RBPJL: variants seen among roughly 807,000 people sequenced by gnomAD.
RBPJL encodes the protein recombination signal binding protein for immunoglobulin kappa J region like.
Under a neutral mutation model 57.6 loss-of-function variants are expected in RBPJL, and 50 were observed. The observed-to-expected ratio is 0.87, with a 90% CI of 0.69 to 1.10. The LOEUF (loss-of-function observed/expected upper bound fraction) is 1.10. Ranked by LOEUF, RBPJL falls within the 50% of genes least tolerant of loss-of-function variation. The probability of loss-of-function intolerance (pLI) is 0.00; values close to 1 mark genes in which losing one functional copy is unlikely to be tolerated. For missense variants in RBPJL, 684 were observed against 693.7 expected (o/e 0.99, Z 0.16); for synonymous variants, 303 against 294.4 (o/e 1.03, Z -0.30).
rs868671102 is a variant in RBPJL at position 45,316,877 on chromosome 20, C to T, written c.1472C>T (p.Pro491Leu). ...CCGGGTCACCCCGGCGTCCCCGAGC[C>T]CGCCACCGACGCCGACGCGCTCCTG... ...VRPGHPGVPE[P>L]ATDADALLES... The change falls in exon 12 of 12, where the codon CCC (proline) becomes CTC (leucine). Residue 491 changes from proline (P) to leucine (L), a missense_variant. Pro to Leu is a moderately conservative substitution (Grantham distance 98). Coordinates refer to ENST00000343694, the MANE Select transcript of RBPJL (RefSeq NM_014276.4). 2 of 1,613,576 alleles carry T rather than the reference C, an allele frequency of 1.2e-6. No homozygotes were observed. The highest frequency in any genetic ancestry group is 1.3e-5 in the African/African-American group (1 of 75,036).
intron 8 of RBPJL, 111 bp downstream of exon 8, chr20:45,314,255 C>A: frequency 8.1e-7 from 1 of 1,231,188 alleles, no homozygotes; most frequent in Non-Finnish European, 1.2e-6. Context: ...GACACCTGTT[C>A]TCACCCAGTG....
intron 9 of RBPJL, chr20:45,315,920 A>C (rs946905169): frequency 1.3e-5 from 5 of 377,034 alleles, no homozygotes; most frequent in African/African-American, 1.0e-4. Context: ...AGAGAAAGGG[A>C]AAGAAAAAGA....
intron 5 of RBPJL, 130 bp downstream of exon 5, chr20:45,312,084 A>G (rs898047444): frequency 2.1e-5 from 31 of 1,484,944 alleles, no homozygotes; most frequent in African/African-American, 1.8e-4. Flanking sequence ...GTCCTGCCTT[A>G]AGGCCGAGCC....
rs546785536 is a variant in RBPJL, at chr20:45,313,988, C to T, written c.758-47C>T. On this transcript the variant is annotated intron_variant, in intron 7 of 11. Transcript: ENST00000343694. ...AACAAGGCAGGGTTTAAGGCAGAAG[C>T]TTGGGGGCCGCTGAAAACCTTGTCC... 8 of 1,384,622 alleles carry T rather than the reference C, an allele frequency of 5.8e-6. No individual in the cohort carries two copies. In the East Asian group the frequency reaches 1.8e-4, roughly 32 times the overall value. The allele number at this position is 1,384,622 out of a possible 1,614,324, so 85.8% of individuals were successfully genotyped here.
intron 8 of RBPJL, 80 bp downstream of exon 8, chr20:45,314,224 A>G (rs1987342713): frequency 1.5e-6 from 2 of 1,370,544 alleles, no homozygotes; most frequent in Non-Finnish European, 2.1e-6. Context: ...AGGGCTGGAG[A>G]GTGAGGCCCC....
In RBPJL at chr20:45,316,670, G is replaced by A. The variant is rs1490862022; in HGVS notation, c.1281-16G>A. On this transcript the variant is annotated splice_polypyrimidine_tract_variant and intron_variant, in intron 11 of 11. Transcript: ENST00000343694. ...TCGGAGTCGCCGCAGCCCTCACCCT[G>A]GTGCTCCACCCCCAGGAGCCCGCGG... 5 of 1,575,046 alleles carry A rather than the reference G, an allele frequency of 3.2e-6. No individual in the cohort carries two copies. Among genetic ancestry groups the A allele is most frequent in the African/African-American group, 1.4e-5 (1 of 74,034 alleles).
chr20:45,314,120 C>T lies in RBPJL; in HGVS notation c.843C>T (p.Val281=). The T allele has an allele frequency of 1.2e-6, 2 of 1,613,904 alleles. No homozygotes were observed. Among genetic ancestry groups the T allele is most frequent in the Non-Finnish European group, 1.7e-6 (2 of 1,179,782 alleles). ...YGSLVQLVCT[V]TGITLPPMII... ...CCCTGGTGCAGCTCGTCTGCACGGT[C>T]ACCGGCATCACACTACCTCCCATGG... The change falls in exon 8 of 12, where the codon GTC becomes GTT. Residue 281 remains valine (V), a synonymous_variant. Coordinates refer to ENST00000343694, the MANE Select transcript of RBPJL (RefSeq NM_014276.4).
Position 45,317,152 on chromosome 20 carries a change from G to C in RBPJL, c.*193G>C, listed in dbSNP as rs559572904. ...TCCCTTGTCCTTACACATACAGGAA[G>C]ACAAGACCTGAGTGGTGCTGTCTTT... On this transcript the variant is annotated 3_prime_UTR_variant, in exon 12 of 12. Coordinates refer to ENST00000343694, the MANE Select transcript of RBPJL (RefSeq NM_014276.4). 4.6e-5 allele frequency: 29 copies of C among 625,942 alleles called. No homozygotes were observed. The highest frequency in any genetic ancestry group is 7.2e-5 in the Non-Finnish European group (26 of 362,458). The allele number at this position is 625,942 out of a possible 1,614,324, so 38.8% of individuals were successfully genotyped here.
At chr20:45,313,222 A>C (rs1306859349) in intron 6 of RBPJL, among the ~76,000 whole-genome samples, 1 of 152,116 alleles carries the variant, frequency 6.6e-6, no homozygotes, top group East Asian at 1.9e-4. Flanking sequence ...CAAGGAACCA[A>C]GCCAGGACAG....
At chr20:45,314,363 G>T in intron 8 of RBPJL, 50 bp from the exon 9 acceptor site, 1 of 1,588,368 alleles carries the variant, frequency 6.3e-7, no homozygotes, top group South Asian at 1.1e-5. Flanking sequence ...GGCAGCCTCT[G>T]GACGCCCGGG....
chr20:45,314,621 C>A, intron 9 of RBPJL, 56 bp downstream of exon 9: 1 of 1,541,712 alleles, frequency 6.5e-7, no homozygotes, highest in Non-Finnish European at 8.9e-7. Flanking sequence ...ATGCAGAGAA[C>A]CACAGAATGT....
Position 45,316,986 on chromosome 20 carries a change from C to T in RBPJL, c.*27C>T, listed in dbSNP as rs755609666. The T allele has an allele frequency of 6.3e-7, 1 of 1,596,576 alleles. No individual in the cohort carries two copies. The highest frequency in any genetic ancestry group is 8.6e-7 in the Non-Finnish European group (1 of 1,169,458). Reference sequence around the variant, plus strand: ...CGCGCCCGGTAGCCCCGGCTGCCCACCCTGGAGGGCTGCGCCCGCGCCAGG... The same window carrying T: ...CGCGCCCGGTAGCCCCGGCTGCCCATCCTGGAGGGCTGCGCCCGCGCCAGG... On this transcript the variant is annotated 3_prime_UTR_variant, in exon 12 of 12. Transcript: ENST00000343694.
Position 45,306,931 on chromosome 20 carries a change from C to A in RBPJL, c.9C>A (p.Pro3=). 2 of 1,256,596 alleles carry A rather than the reference C, an allele frequency of 1.6e-6. No individual in the cohort carries two copies. The highest frequency in any genetic ancestry group is 3.1e-5 in the African/African-American group (2 of 64,902). The allele number at this position is 1,256,596 out of a possible 1,614,324, so 77.8% of individuals were successfully genotyped here. A position where few individuals can be genotyped will look rare whatever the true frequency, so the allele number is the denominator to read the frequency against. The part of the protein sequence containing the change: MD[P]AGAADPSVPP... ...GGCCCCGTGGAGCCACCATGGACCCCGCAGGGGCAGCAGGTGAGCGCTTAC... is the reference window on the plus strand; with the variant it reads ...GGCCCCGTGGAGCCACCATGGACCCAGCAGGGGCAGCAGGTGAGCGCTTAC... Residue 3 remains proline (P), a synonymous_variant, in exon 1 of 12, where the codon CCC becomes CCA. Coordinates refer to ENST00000343694, the MANE Select transcript of RBPJL (RefSeq NM_014276.4).
At chr20:45,313,410 CCCCTCACCCTAACCCTGA>C (rs1987292515) in intron 6 of RBPJL, 40 bp from the exon 7 acceptor site, 2 of 1,424,710 alleles carry the variant, frequency 1.4e-6, no homozygotes, top group East Asian at 4.8e-5. Context: ...CTAACCCTAT[CCCCTCACCCTAACCCTGA>C]CCCTCACCCT....
chr20:45,316,431 C>T (rs763763587), intron 10 of RBPJL, 46 bp from the exon 11 acceptor site: 196 of 1,565,742 alleles, frequency 1.3e-4, no homozygotes, highest in Non-Finnish European at 1.7e-4. Flanking sequence ...AGCGGGTTCC[C>T]GCCCTACTTG....
At chr20:45,307,030 T>G (rs1986766076) in intron 1 of RBPJL, 86 bp downstream of exon 1, 2 of 609,172 alleles carry the variant, frequency 3.3e-6, no homozygotes, top group African/African-American at 3.7e-5. Context: ...ACTATACAAA[T>G]AGGAAAACTA....
chr20:45,315,913 G>A (rs1424569572), intron 9 of RBPJL: 3 of 366,898 alleles, frequency 8.2e-6, no homozygotes, highest in Non-Finnish European at 9.6e-6. Flanking sequence ...AAAAGAGAGA[G>A]AAAGGGAAAG....
chr20:45,316,059 A>G, intron 9 of RBPJL, 128 bp from the exon 10 acceptor site: 1 of 816,938 alleles, frequency 1.2e-6, no homozygotes, highest in Non-Finnish European at 1.9e-6. Flanking sequence ...TGAGGGGACA[A>G]GTGAACCCCA....
At position 45,308,124 on chromosome 20, in the gene RBPJL, G is replaced by T. The variant is rs761175429; in HGVS notation, c.23-19G>T. 6.3e-7 allele frequency: 1 copy of T among 1,582,044 alleles called. No individual in the cohort carries two copies. Among genetic ancestry groups the T allele is most frequent in the South Asian group, 1.1e-5 (1 of 90,302 alleles). On this transcript the variant is annotated intron_variant, in intron 1 of 11. Coordinates refer to ENST00000343694, the MANE Select transcript of RBPJL (RefSeq NM_014276.4). ...AAAATACACTCGCCTGACCTGGCTT[G>T]ATGCCTACTCCCCTGCAGACCCCTC... is the stretch of plus-strand genomic sequence containing the variant.
Sources: gnomAD v4.1 joint callset for allele counts (sites outside exome capture counted in the v4.1 genomes callset) on GRCh38, gnomAD v4.1.1 for gene constraint, MANE v1.5 for transcripts, NCBI Gene and HGNC (gene_info 2026-07-23, HGNC 2026-07-21) for gene names.